CPA4: variants seen among roughly 807,000 people sequenced by gnomAD.
CPA4 encodes carboxypeptidase A3.
In CPA4, 49 loss-of-function variants were observed where a neutral mutation model predicts 54.7. The observed-to-expected ratio is 0.90, with a 90% CI of 0.71 to 1.14. The LOEUF (loss-of-function observed/expected upper bound fraction) is 1.14. Among genes scored for constraint, CPA4 ranks in the 50% most tolerant of loss-of-function variants. CPA4 has a pLI of 0.00. For synonymous variants in CPA4, 215 were observed against 206.8 expected (o/e 1.04, Z -0.34); for missense variants, 487 against 525.1 (o/e 0.93, Z 0.71).
chr7:130,313,675 T>C (rs1793947195), intron 10 of CPA4, among the ~76,000 whole-genome samples: 1 of 152,196 alleles, frequency 6.6e-6, no homozygotes, highest in Non-Finnish European at 1.5e-5. Context: ...AGGAATGACG[T>C]GGATGGCCCT....
chr7:130,316,815 C>T (rs547210698), intron 10 of CPA4, among the ~76,000 whole-genome samples: 236 of 151,710 alleles, frequency 1.6e-3, no homozygotes, highest in African/African-American at 5.5e-3. Flanking sequence ...CGCCTGTAAT[C>T]CCAGCTACTT....
intron 4 of CPA4, among the ~76,000 whole-genome samples, chr7:130,301,165 T>A (rs573425043): frequency 1.3e-5 from 2 of 152,342 alleles, no homozygotes; most frequent in African/African-American, 4.8e-5. Context: ...TCTTTCAGAA[T>A]ACCATGAAAA....
Position 130,322,481 on chromosome 7 carries a change from A to T in CPA4, c.1079-8A>T. 1 of 1,611,166 alleles carries T rather than the reference A, an allele frequency of 6.2e-7. No homozygotes were observed. Among genetic ancestry groups the T allele is most frequent in the Non-Finnish European group, 8.5e-7 (1 of 1,178,270 alleles). ...GGCTTCAAGAGTGTTTTGTCCTCCG[A>T]CTTACAGATCCAGCTAGCGGGAGCA... On this transcript the variant is annotated splice_region_variant and splice_polypyrimidine_tract_variant and intron_variant, in intron 10 of 10. Transcript: ENST00000222482.
At chr7:130,311,537 G>A (rs368823740) in intron 9 of CPA4, among the ~76,000 whole-genome samples, 13 of 43,524 alleles carry the variant, frequency 3.0e-4, no homozygotes, top group East Asian at 2.1e-3. Context: ...ACCCCCACCC[G>A]GCCTCTCAGG....
At chr7:130,307,534 A>C (rs1023220746) in intron 7 of CPA4, among the ~76,000 whole-genome samples, 2 of 149,688 alleles carry the variant, frequency 1.3e-5, no homozygotes, top group Admixed American at 1.3e-4. Flanking sequence ...TGGGAAGCTG[A>C]GGCAGGAGAA....
intron 10 of CPA4, among the ~76,000 whole-genome samples, chr7:130,321,610 T>C (rs1262120096): frequency 6.6e-6 from 1 of 152,198 alleles, no homozygotes; most frequent in African/African-American, 2.4e-5. Flanking sequence ...AGAGGTTTAA[T>C]GGACTCGCAG....
Position 130,310,233 on chromosome 7 carries a change from TAC to T in CPA4, c.794-543_794-542del, listed in dbSNP as rs61528547. On this transcript the variant is annotated intron_variant, in intron 8 of 10. Coordinates refer to ENST00000222482, the MANE Select transcript of CPA4 (RefSeq NM_016352.4). The surrounding 1 kb of genome is among the most constrained non-coding windows in gnomAD (Gnocchi z 4.3). ...ACTGGGGTGGTTTCAGTCACATTCA[TAC>T]ACACACACACGCACACACACACGTA... Among the ~76,000 whole-genome samples the T allele has an allele frequency of 0.069, 10,419 of 151,894 alleles. 756 individuals are homozygous for T. Among genetic ancestry groups the T allele is most frequent in the African/African-American group, 0.18 (7,606 of 41,380 alleles).
At position 130,311,811 on chromosome 7, in the gene CPA4, A is replaced by G. The variant is rs191641525; in HGVS notation, c.994-227A>G. On this transcript the variant is annotated intron_variant, in intron 9 of 10. Coordinates refer to ENST00000222482, the MANE Select transcript of CPA4 (RefSeq NM_016352.4). The stretch of plus-strand genomic sequence containing the variant: ...ACTTCCCTCCTCATCTCCTCCCCCA[A>G]ACTGGGAGTCAAGAACTGGGGGTGT... Among the ~76,000 whole-genome samples, 267 of 152,068 alleles carry G rather than the reference A, an allele frequency of 1.8e-3. 3 individuals carry two copies. Among genetic ancestry groups the G allele is most frequent in the Admixed American group, 0.015 (225 of 15,262 alleles).
In CPA4 at chr7:130,309,789, A is replaced by C. The variant is rs117794419; in HGVS notation, c.794-998A>C. Among the ~76,000 whole-genome samples the C allele has an allele frequency of 1.9e-3, 290 of 152,234 alleles. 4 individuals carry two copies. In the East Asian group the frequency reaches 0.043, roughly 23 times the overall value. The stretch of plus-strand genomic sequence containing the variant: ...TTTGTTTGTTTTGTTTTGTTGAGAC[A>C]CGGTCGTGCTCTGTCATCCAGGCTG... On this transcript the variant is annotated intron_variant, in intron 8 of 10. Transcript: ENST00000222482.
chr7:130,306,909 C>T lies in CPA4; in HGVS notation c.702+12C>T. 7.1e-7 allele frequency: 1 copy of T among 1,404,148 alleles called. No individual in the cohort carries two copies. Among genetic ancestry groups the T allele is most frequent in the Middle Eastern group, 1.8e-4 (1 of 5,692 alleles). The allele number at this position is 1,404,148 out of a possible 1,614,324, so 87.0% of individuals were successfully genotyped here. A position where few individuals can be genotyped will look rare whatever the true frequency, so the allele number is the denominator to read the frequency against. On this transcript the variant is annotated intron_variant, in intron 7 of 10. Coordinates refer to ENST00000222482, the MANE Select transcript of CPA4 (RefSeq NM_016352.4). ...ATACTCAAACTCAAGTGAGTATTCC[C>T]AAATGGGCTGGGCTTGCAGACTGTT...
At position 130,306,913 on chromosome 7, in the gene CPA4, T is replaced by A; in HGVS notation, c.702+16T>A. The stretch of plus-strand genomic sequence containing the variant: ...TCAAACTCAAGTGAGTATTCCCAAA[T>A]GGGCTGGGCTTGCAGACTGTTGAAT... On this transcript the variant is annotated intron_variant, in intron 7 of 10. Transcript: ENST00000222482. The A allele has an allele frequency of 7.3e-7, 1 of 1,366,830 alleles. No individual in the cohort carries two copies. Among genetic ancestry groups the A allele is most frequent in the Non-Finnish European group, 1.0e-6 (1 of 954,016 alleles). The allele number at this position is 1,366,830 out of a possible 1,614,324, so 84.7% of individuals were successfully genotyped here. A position where few individuals can be genotyped will look rare whatever the true frequency, so the allele number is the denominator to read the frequency against.
rs570075096 is a variant in CPA4 at position 130,310,837 on chromosome 7, G to A, written c.844G>A (p.Ala282Thr). 4.1e-5 allele frequency: 66 copies of A among 1,614,090 alleles called. No homozygotes were observed. The highest frequency in any genetic ancestry group is 5.3e-5 in the Non-Finnish European group (62 of 1,180,006). ...PCSEVYHGPH[A>T]NSEVEVKSVV... ...CTCCGAAGTGTACCATGGACCCCAC[G>A]CCAATTCGGAAGTGGAGGTGAAATC... is the stretch of plus-strand genomic sequence containing the variant. The change falls in exon 9 of 11, where the codon GCC (alanine) becomes ACC (threonine). Residue 282 changes from alanine to threonine, a missense_variant. Coordinates refer to ENST00000222482, the MANE Select transcript of CPA4 (RefSeq NM_016352.4). The surrounding 1 kb of genome is among the most constrained non-coding windows in gnomAD (Gnocchi z 4.3).
intron 7 of CPA4, 125 bp from the exon 8 acceptor site, chr7:130,308,175 ACTAGGAG>A: frequency 1.4e-6 from 1 of 739,122 alleles, no homozygotes; most frequent in Non-Finnish European, 2.4e-6. Flanking sequence ...CTCAATGAGG[ACTAGGAG>A]CCCCAGGGCC....
intron 1 of CPA4, among the ~76,000 whole-genome samples, chr7:130,295,027 C>T (rs1488142235): frequency 1.3e-5 from 2 of 152,180 alleles, no homozygotes; most frequent in African/African-American, 4.8e-5. Flanking sequence ...CCCTGGTCTT[C>T]AGAGATCTTC....
intron 6 of CPA4, 53 bp downstream of exon 6, chr7:130,305,973 C>A (rs1793814379): frequency 1.4e-6 from 2 of 1,463,934 alleles, no homozygotes; most frequent in African/African-American, 1.4e-5. Context: ...GGTGCCCCTG[C>A]AGCATGCCAT....
intron 8 of CPA4, among the ~76,000 whole-genome samples, chr7:130,308,819 G>A (rs1449696257): frequency 1.3e-5 from 2 of 150,346 alleles, no homozygotes; most frequent in African/African-American, 2.5e-5. Context: ...CCAAAGTGCT[G>A]GGAGTATAGC....
At chr7:130,313,624 C>T (rs927154287) in intron 10 of CPA4, among the ~76,000 whole-genome samples, 6 of 151,236 alleles carry the variant, frequency 4.0e-5, no homozygotes, top group Non-Finnish European at 7.4e-5. Flanking sequence ...TCTGCCTGCT[C>T]CCAATCCAAG....
rs1291925207 is a variant in CPA4 at position 130,323,311 on chromosome 7, C to T, written c.*635C>T. On this transcript the variant is annotated 3_prime_UTR_variant, in exon 11 of 11. Transcript: ENST00000222482. ...CTTGGCTCACCACAACCTCTGCCTCCTGGGTTCAAGCAATTCTCCTGCCTC... is the reference window on the plus strand; with the variant it reads ...CTTGGCTCACCACAACCTCTGCCTCTTGGGTTCAAGCAATTCTCCTGCCTC... 6.6e-6 allele frequency: 1 copy of T among 152,236 alleles called. No homozygotes were observed. Among genetic ancestry groups the T allele is most frequent in the Non-Finnish European group, 1.5e-5 (1 of 68,212 alleles). 9.4% of individuals were successfully genotyped at this position (152,236 alleles called of 1,614,324 possible). A position where few individuals can be genotyped will look rare whatever the true frequency, so the allele number is the denominator to read the frequency against.
chr7:130,296,519 T>G (rs1793650976), intron 1 of CPA4, among the ~76,000 whole-genome samples: 1 of 152,156 alleles, frequency 6.6e-6, no homozygotes, highest in South Asian at 2.1e-4. Context: ...ATTTTCATAC[T>G]CAAAGAGCTT....
Sources: allele counts gnomAD v4.1 joint callset (sites outside exome capture counted in the v4.1 genomes callset), GRCh38; gene constraint gnomAD v4.1.1; non-coding constraint Gnocchi (gnomAD v3.1); transcripts MANE v1.5; gene names NCBI Gene and HGNC (gene_info 2026-07-23, HGNC 2026-07-21).